XRCC1: variants seen among roughly 807,000 people sequenced by gnomAD.
XRCC1 encodes the protein X-ray repair cross complementing 1, also known as DNA repair protein XRCC1.
A neutral mutation model predicts 83.3 loss-of-function variants in XRCC1; 52 were observed. The ratio of observed to expected loss-of-function variants is 0.62; its 90% CI spans 0.50 to 0.79. The LOEUF is 0.79. Among genes scored for constraint, XRCC1 ranks in the 30% least tolerant of loss-of-function variants. XRCC1 has a pLI of 0.00. For synonymous variants in XRCC1, 281 were observed against 312.6 expected (o/e 0.90, Z 1.07); for missense variants, 793 against 823.5 (o/e 0.96, Z 0.45).
chr19:43,545,004 T>C (rs1379297610), intron 14 of XRCC1, among the ~76,000 whole-genome samples: 2 of 152,158 alleles, frequency 1.3e-5, no homozygotes, highest in African/African-American at 4.8e-5. Flanking sequence ...ATCTGCCACT[T>C]CTTCACCTTT....
At chr19:43,557,886 T>C (rs1972655915) in intron 3 of XRCC1, among the ~76,000 whole-genome samples, 3 of 150,386 alleles carry the variant, frequency 2.0e-5, no homozygotes, top group Admixed American at 1.3e-4. Context: ...TTTGGGTTTG[T>C]GCCTTTGATG....
chr19:43,557,624 T>C (rs920065822), intron 3 of XRCC1, among the ~76,000 whole-genome samples: 2 of 151,344 alleles, frequency 1.3e-5, no homozygotes, highest in African/African-American at 4.9e-5. Flanking sequence ...GAAAACCCTG[T>C]CCTACTAAAT....
intron 3 of XRCC1, among the ~76,000 whole-genome samples, chr19:43,555,741 T>C (rs1972629585): frequency 6.6e-6 from 1 of 152,208 alleles, no homozygotes; most frequent in Non-Finnish European, 1.5e-5. Flanking sequence ...TAGTAACACC[T>C]AGTTACTGGT....
At chr19:43,571,472 T>C (rs929932246) in intron 2 of XRCC1, among the ~76,000 whole-genome samples, 9 of 152,240 alleles carry the variant, frequency 5.9e-5, no homozygotes, top group Non-Finnish European at 8.8e-5. Context: ...TTGTCAGTCT[T>C]TCCCTACTAA....
intron 8 of XRCC1, 112 bp from the exon 9 acceptor site, chr19:43,552,387 A>C: frequency 1.3e-6 from 1 of 744,502 alleles, no homozygotes; most frequent in Non-Finnish European, 2.1e-6. Flanking sequence ...CAGACCCAGC[A>C]ATCCAGGCCC....
Position 43,574,941 on chromosome 19 carries a change from G to T in XRCC1, c.113C>A (p.Ala38Glu). Residue 38 changes from alanine to glutamate, a missense_variant, in exon 2 of 17, where the codon GCA (alanine) becomes GAA (glutamate). Physicochemically the swap from Ala to Glu is moderately radical, Grantham distance 107 (BLOSUM62 -1). Transcript: ENST00000262887. ...DTYRKWRAAK[A>E]GEKTISVVLQ... is the part of the protein sequence containing the mutation. ...GACCACAGAGATGGTCTTCTCGCCTGCCTTGGCTGCCCGCCATTTTCGGTA... is the reference window on the plus strand; with the variant it reads ...GACCACAGAGATGGTCTTCTCGCCTTCCTTGGCTGCCCGCCATTTTCGGTA... The T allele has an allele frequency of 6.2e-7, 1 of 1,614,168 alleles. No individual in the cohort carries two copies. The highest frequency in any genetic ancestry group is 1.6e-4 in the Middle Eastern group (1 of 6,062).
At chr19:43,553,585 T>C in intron 5 of XRCC1, 24 bp downstream of exon 5, 3 of 1,609,462 alleles carry the variant, frequency 1.9e-6, no homozygotes, top group African/African-American at 1.3e-5. Flanking sequence ...GAGAAGGCCA[T>C]GGGGAGTGAC....
At chr19:43,550,156 C>G (rs1972560684) in intron 10 of XRCC1, among the ~76,000 whole-genome samples, 1 of 152,112 alleles carries the variant, frequency 6.6e-6, no homozygotes, top group Non-Finnish European at 1.5e-5. Context: ...TTGAATCTTT[C>G]AGGTTTTAGA....
At chr19:43,543,812 A>G in intron 15 of XRCC1, 125 bp from the exon 16 acceptor site, 7 of 829,956 alleles carry the variant, frequency 8.4e-6, no homozygotes, top group Non-Finnish European at 1.3e-5. Flanking sequence ...GGTTGCCTCT[A>G]GGCTCCATTC....
rs370026016 is a variant in XRCC1 at position 43,546,607 on chromosome 19, C to G, written c.1414G>C (p.Gly472Arg). ...CTCAGAGTCTGACCTGACTGTACCC[C>G]CTCAATGTCTATATCTTCCTGGAGC... ...PVLQEDIDIE[G>R]VQSEGQDNGA... is the part of the protein sequence containing the mutation. Residue 472 changes from glycine to arginine, a missense_variant, in exon 12 of 17, where the codon GGG (glycine) becomes CGG (arginine). Coordinates refer to ENST00000262887, the MANE Select transcript of XRCC1 (RefSeq NM_006297.3). The G allele has an allele frequency of 6.2e-6, 10 of 1,609,918 alleles. No individual in the cohort carries two copies. In the African/African-American group the frequency reaches 9.4e-5, roughly 15 times the overall value.
chr19:43,560,914 T>C lies in XRCC1; in HGVS notation c.251A>G (p.Tyr84Cys), dbSNP rs775135180. 60 of 1,613,588 alleles carry C rather than the reference T, an allele frequency of 3.7e-5. No homozygotes were observed. The highest frequency in any genetic ancestry group is 9.9e-5 in the South Asian group (9 of 91,078). ...CCATCTCATAGCCCTGCTTACCTCA[T>C]AGTCTTGCTCCCCAGCGCCTCCAGC... ...SSAGGAGEQD[Y>C]EVLLVTSSFM... Residue 84 changes from tyrosine to cysteine, a missense_variant, in exon 3 of 17, where the codon TAT becomes TGT. Tyr to Cys is a radical substitution (Grantham distance 194). Transcript: ENST00000262887.
At chr19:43,546,858 C>A (rs1017594262) in intron 11 of XRCC1, 26 bp downstream of exon 11, 21 of 1,612,362 alleles carry the variant, frequency 1.3e-5, no homozygotes, top group South Asian at 4.4e-5. Flanking sequence ...ACTACACCCT[C>A]CCCCACTGGA....
chr19:43,547,542 G>A lies in XRCC1; in HGVS notation c.1200-565C>T, dbSNP rs952193180. Among the ~76,000 whole-genome samples the A allele has an allele frequency of 3.3e-5, 5 of 149,830 alleles. 1 individual carries two copies. The South Asian group carries it at 6.4e-4, about 19-fold the overall frequency. ...GTCACCCAGGATAGAGTGCAGTGGC[G>A]TGATCTTGGCTCACTGCAACCTCCA... On this transcript the variant is annotated intron_variant, in intron 10 of 16. Transcript: ENST00000262887.
chr19:43,549,392 T>C (rs1476982524), intron 10 of XRCC1, among the ~76,000 whole-genome samples: 3 of 152,146 alleles, frequency 2.0e-5, no homozygotes, highest in Non-Finnish European at 4.4e-5. Context: ...CTAGAGTAGC[T>C]GGGGCTACAG....
At chr19:43,572,062 A>C (rs1600061612) in intron 2 of XRCC1, among the ~76,000 whole-genome samples, 1 of 151,354 alleles carries the variant, frequency 6.6e-6, no homozygotes, top group South Asian at 2.1e-4. Context: ...GAAACACATC[A>C]CCTCCCCAAG....
rs759332835 is a variant in XRCC1 at position 43,551,628 on chromosome 19, A to T, written c.1142T>A (p.Val381Glu). The T allele has an allele frequency of 2.5e-5, 40 of 1,614,068 alleles. No individual in the cohort carries two copies. Among genetic ancestry groups the T allele is most frequent in the Non-Finnish European group, 3.1e-5 (36 of 1,180,034 alleles). ...SQVLGLGGRIVRKEWVLDCHR... is the reference protein window; with the variant it reads ...SQVLGLGGRIERKEWVLDCHR... ...ACAGTCCAGCACCCACTCCTTACGC[A>T]CGATGCGGCCTCCCAGGCCTAGGAC... is the stretch of plus-strand genomic sequence containing the variant. The change falls in exon 10 of 17, where the codon GTG becomes GAG. Residue 381 changes from valine (V) to glutamate (E), a missense_variant. Transcript: ENST00000262887.
rs1972472170 is a variant in XRCC1, at chr19:43,543,340, TCG to T, written c.*50_*51del. The T allele has an allele frequency of 8.7e-7, 1 of 1,149,120 alleles. No individual in the cohort carries two copies. Among genetic ancestry groups the T allele is most frequent in the Non-Finnish European group, 1.2e-6 (1 of 834,530 alleles). 71.2% of individuals were successfully genotyped at this position (1,149,120 alleles called of 1,614,324 possible). A position where few individuals can be genotyped will look rare whatever the true frequency, so the allele number is the denominator to read the frequency against. On this transcript the variant is annotated 3_prime_UTR_variant, in exon 17 of 17. Transcript: ENST00000262887. ...AACCAACTCATCTTTATTAAATGCA[TCG>T]TGTGTGTGTGTGTGTGTGTGTGTGT...
Position 43,543,423 on chromosome 19 carries a change from T to A in XRCC1, c.1871A>T (p.His624Leu). The change falls in exon 17 of 17, where the codon CAC becomes CTC. Residue 624 changes from histidine to leucine, a missense_variant. Coordinates refer to ENST00000262887, the MANE Select transcript of XRCC1 (RefSeq NM_006297.3). ...TTGCGGCACCACCCCATAGAGCTGG[T>A]GAGGAAGTAACTTCTGCTTCTCATT... ...SCNEKQKLLP[H>L]QLYGVVPQA is the part of the protein sequence containing the mutation. 11 of 1,611,646 alleles carry A rather than the reference T, an allele frequency of 6.8e-6. No homozygotes were observed. The highest frequency in any genetic ancestry group is 9.3e-6 in the Non-Finnish European group (11 of 1,179,778).
Position 43,553,110 on chromosome 19 carries a change from G to T in XRCC1, c.602-19C>A. The T allele has an allele frequency of 6.4e-7, 1 of 1,553,152 alleles. No homozygotes were observed. The highest frequency in any genetic ancestry group is 1.2e-5 in the South Asian group (1 of 84,414). On this transcript the variant is annotated intron_variant, in intron 6 of 16. Coordinates refer to ENST00000262887, the MANE Select transcript of XRCC1 (RefSeq NM_006297.3). ...GCTGTGACTATGAAGGGAGAAAGTG[G>T]ATCCAGGATGAGAGGGCTGAGCCCC...
Sources: allele counts gnomAD v4.1 joint callset (sites outside exome capture counted in the v4.1 genomes callset), GRCh38; gene constraint gnomAD v4.1.1; transcripts MANE v1.5; gene names NCBI Gene and HGNC (gene_info 2026-07-23, HGNC 2026-07-21).